SMC2: variants seen among roughly 807,000 people sequenced by gnomAD.
SMC2 encodes the protein structural maintenance of chromosomes protein 2.
In SMC2, 41 loss-of-function variants were observed where a neutral mutation model predicts 142.6. The ratio of observed to expected loss-of-function variants is 0.29; its 90% CI spans 0.22 to 0.37. The LOEUF is 0.37. Among genes scored for constraint, SMC2 ranks in the 10% least tolerant of loss-of-function variants. The probability of loss-of-function intolerance (pLI) is 1.00; values close to 1 mark genes in which losing one functional copy is unlikely to be tolerated. For synonymous variants in SMC2, 463 were observed against 457.5 expected (o/e 1.01, Z -0.15); for missense variants, 1,265 against 1,373.7 (o/e 0.92, Z 1.25).
the SMC2 span, among the ~76,000 whole-genome samples, chr9:104,089,087 G>C: frequency 3.3e-5 from 5 of 152,238 alleles, no homozygotes; most frequent in East Asian, 9.6e-4. Flanking sequence ...CCTTAAAGAG[G>C]TTAGAATTAA....
At chr9:104,134,786 TA>T (rs34775246) in intron 23 of SMC2, among the ~76,000 whole-genome samples, 1 of 152,076 alleles carries the variant, frequency 6.6e-6, no homozygotes, top group South Asian at 2.1e-4. Flanking sequence ...AACATGTTTT[TA>T]AAAAATCTAT....
chr9:104,114,156 A>G, intron 12 of SMC2, 75 bp downstream of exon 12: 1 of 920,152 alleles, frequency 1.1e-6, no homozygotes, highest in East Asian at 2.9e-5. Flanking sequence ...GCAGTGTGAA[A>G]ATTTTGTCGA....
chr9:104,095,639 A>G (rs764747289), intron 2 of SMC2, 87 bp downstream of exon 2: 4 of 1,019,966 alleles, frequency 3.9e-6, no homozygotes, highest in South Asian at 1.5e-5. Context: ...TATTCTCTTC[A>G]TTTGTGTTTT....
chr9:104,116,149 A>AT (rs1398203486), intron 13 of SMC2, 51 bp from the exon 14 acceptor site: 3 of 1,527,762 alleles, frequency 2.0e-6, no homozygotes, highest in Non-Finnish European at 1.8e-6. Context: ...CATTCTCTCA[A>AT]TTTTCTGTCA....
Position 104,125,024 on chromosome 9 carries a change from AC to A in SMC2, c.2371del (p.Leu791Ter). ...KNAEAERERE[L>X]KDAQKKLDCA... ...ATGCAGAAGCTGAAAGAGAGCGAGAACTGAAAGATGCTCAGAAAAAACTGGA... is the reference window on the plus strand; with the variant it reads ...ATGCAGAAGCTGAAAGAGAGCGAGAATGAAAGATGCTCAGAAAAAACTGGA... On this transcript the variant is annotated frameshift_variant, in exon 18 of 25. Transcript: ENST00000374793. LOFTEE classifies it high-confidence loss of function. 6.2e-7 allele frequency: 1 copy of A among 1,607,650 alleles called. No individual in the cohort carries two copies.
At chr9:104,114,993 G>A (rs1832919762) in intron 13 of SMC2, among the ~76,000 whole-genome samples, 164 bp downstream of exon 13, 1 of 152,104 alleles carries the variant, frequency 6.6e-6, no homozygotes, top group African/African-American at 2.4e-5. Flanking sequence ...TATTCCAAAG[G>A]AGGTCTCATG....
chr9:104,102,332 A>C (rs1369809172), intron 8 of SMC2, 92 bp from the exon 9 acceptor site: 4 of 1,256,958 alleles, frequency 3.2e-6, no homozygotes, highest in Non-Finnish European at 3.3e-6. Context: ...GAAATAACTT[A>C]TAAAAAAGTG....
Position 104,102,566 on chromosome 9 carries a change from T to C in SMC2, c.1013T>C (p.Met338Thr), listed in dbSNP as rs1040907916. 1 of 1,612,912 alleles carries C rather than the reference T, an allele frequency of 6.2e-7. No homozygotes were observed. Residue 338 changes from methionine (M) to threonine (T), a missense_variant, in exon 9 of 25, where the codon ATG (methionine) becomes ACG (threonine). Coordinates refer to ENST00000374793, the MANE Select transcript of SMC2 (RefSeq NM_006444.3). ...AAACGCAAAGAGCTGGAAAAAAATA[T>C]GGTTGAGGTAAGTGAGCTTAATGTG... Reference protein sequence around the residue: ...ESKRKELEKNMVEDSKTLAAK... With the variant: ...ESKRKELEKNTVEDSKTLAAK...
At chr9:104,120,267 TTTG>T (rs1833581759) in intron 16 of SMC2, 105 bp downstream of exon 16, 1 of 1,096,414 alleles carries the variant, frequency 9.1e-7, no homozygotes, top group Non-Finnish European at 1.3e-6. Context: ...TTCTCATATT[TTTG>T]GTTTTATTTA....
intron 18 of SMC2, among the ~76,000 whole-genome samples, chr9:104,126,121 T>C (rs1347087650): frequency 6.6e-6 from 1 of 152,088 alleles, no homozygotes; most frequent in African/African-American, 2.4e-5. Flanking sequence ...CTTATGAGAA[T>C]CTAATGCGTG....
At chr9:104,115,906 T>G (rs897281701) in intron 13 of SMC2, among the ~76,000 whole-genome samples, 11 of 152,164 alleles carry the variant, frequency 7.2e-5, no homozygotes, top group Non-Finnish European at 1.3e-4. Flanking sequence ...CTCTTTTTAT[T>G]TGTTCAGCTT....
rs370520189 is a variant in SMC2, at chr9:104,102,915, A to G, written c.1020+342A>G. Among the ~76,000 whole-genome samples, 10 of 152,324 alleles carry G rather than the reference A, an allele frequency of 6.6e-5. No individual in the cohort carries two copies. In the East Asian group the frequency reaches 1.5e-3, roughly 24 times the overall value. On this transcript the variant is annotated intron_variant, in intron 9 of 24. Transcript: ENST00000374793. ...ATAGCCACTGAAGTAAGTGGAGAAT[A>G]GGAAGAACGGGTTTGATAAGCTTAA...
At chr9:104,123,720 G>A (rs967787602) in intron 17 of SMC2, among the ~76,000 whole-genome samples, 1 of 152,082 alleles carries the variant, frequency 6.6e-6, no homozygotes, top group African/African-American at 2.4e-5. Context: ...TGTAGGTTAT[G>A]TGCATTGCAA....
chr9:104,106,685 G>A (rs1020606926), intron 9 of SMC2, among the ~76,000 whole-genome samples: 3 of 152,218 alleles, frequency 2.0e-5, no homozygotes, highest in Admixed American at 1.3e-4. Context: ...GAACCACCGC[G>A]CCTGGTCCAC....
chr9:104,113,884 A>C, intron 11 of SMC2, 80 bp from the exon 12 acceptor site: 2 of 788,112 alleles, frequency 2.5e-6, no homozygotes, highest in East Asian at 5.6e-5. Context: ...CTTTGGAAAT[A>C]GTGGTTGCTA....
intron 23 of SMC2, chr9:104,136,012 A>ACC: frequency 2.1e-6 from 1 of 486,246 alleles, no homozygotes; most frequent in Admixed American, 2.2e-5. Flanking sequence ...GTTTCTCCTG[A>ACC]CCTTACACAG....
At chr9:104,104,373 C>A (rs1487629923) in intron 9 of SMC2, among the ~76,000 whole-genome samples, 1 of 152,160 alleles carries the variant, frequency 6.6e-6, no homozygotes, top group Non-Finnish European at 1.5e-5. Context: ...GCAAGCTGAT[C>A]TCCCAAGGCT....
At chr9:104,098,665 A>T in intron 4 of SMC2, 97 bp downstream of exon 4, 1 of 1,239,680 alleles carries the variant, frequency 8.1e-7, no homozygotes, top group Non-Finnish European at 1.1e-6. Context: ...TTTGGATTTT[A>T]TACTTTTTAT....
At position 104,100,208 on chromosome 9, in the gene SMC2, T is replaced by TTGAAGAAGAGA; in HGVS notation, c.591+6_591+7insGAAGAAGAGAT. ...AAGCTGAAAGAAATTAAGACGGTAA[T>TTGAAGAAGAGA]TTAATTCATATAAAATATTTTCGGA... is the stretch of plus-strand genomic sequence containing the variant. On this transcript the variant is annotated splice_donor_region_variant and intron_variant, in intron 6 of 24. Coordinates refer to ENST00000374793, the MANE Select transcript of SMC2 (RefSeq NM_006444.3). 1 of 1,505,230 alleles carries TTGAAGAAGAGA rather than the reference T, an allele frequency of 6.6e-7. No homozygotes were observed. Among genetic ancestry groups the TTGAAGAAGAGA allele is most frequent in the South Asian group, 1.2e-5 (1 of 80,682 alleles). The allele number at this position is 1,505,230 out of a possible 1,614,324, so 93.2% of individuals were successfully genotyped here. A position where few individuals can be genotyped will look rare whatever the true frequency, so the allele number is the denominator to read the frequency against.
Sources: gnomAD v4.1 joint callset for allele counts (sites outside exome capture counted in the v4.1 genomes callset) on GRCh38, gnomAD v4.1.1 for gene constraint, MANE v1.5 for transcripts, NCBI Gene and HGNC (gene_info 2026-07-23, HGNC 2026-07-21) for gene names.